The following UBE2D3 variants were observed in gnomAD, a reference collection of about 807,000 sequenced individuals.
UBE2D3 encodes the protein ubiquitin-conjugating enzyme E2 D3.
In UBE2D3, 2 loss-of-function variants were observed where a neutral mutation model predicts 22.8. The observed-to-expected ratio is 0.09, with a 90% confidence interval of 0.04 to 0.28. The LOEUF is 0.28. UBE2D3 is among the 10% of genes least tolerant of loss of function. The pLI is 1.00. For missense variants in UBE2D3, 27 were observed against 182.5 expected (o/e 0.15, Z 4.91); for synonymous variants, 56 against 60.4 (o/e 0.93, Z 0.34).
chr4:102,807,133 T>C (rs577530588), intron 4 of UBE2D3, among the ~76,000 whole-genome samples: 1 of 152,186 alleles, frequency 6.6e-6, no homozygotes, highest in Non-Finnish European at 1.5e-5. Context: ...GGGACCTAAG[T>C]AGTAGTCCAA....
At chr4:102,843,117 C>T (rs1731852118) in intron 1 of UBE2D3, among the ~76,000 whole-genome samples, 1 of 151,994 alleles carries the variant, frequency 6.6e-6, no homozygotes, top group Non-Finnish European at 1.5e-5. Context: ...CTCAAAATTA[C>T]CAGTTTTGAG....
At chr4:102,844,132 A>G (rs769459600) in intron 1 of UBE2D3, 3 of 152,264 alleles carry the variant, frequency 2.0e-5, no homozygotes, top group South Asian at 2.1e-4. Context: ...TTATATTGTC[A>G]TTCTCTATGA....
chr4:102,864,840 A>T (rs530233091), intron 1 of UBE2D3, among the ~76,000 whole-genome samples: 2 of 152,248 alleles, frequency 1.3e-5, no homozygotes, highest in Non-Finnish European at 2.9e-5. Context: ...TTATACAAAT[A>T]CAGCAATGGA....
At chr4:102,861,750 G>A (rs552335607) in intron 1 of UBE2D3, among the ~76,000 whole-genome samples, 1 of 152,100 alleles carries the variant, frequency 6.6e-6, no homozygotes, top group African/African-American at 2.4e-5. Context: ...TTTTAATTAT[G>A]CACATATGCA....
chr4:102,836,949 C>G (rs538993605), intron 1 of UBE2D3: 127 of 152,250 alleles, frequency 8.3e-4, no homozygotes, highest in African/African-American at 2.8e-3. Flanking sequence ...GTAACATATA[C>G]CTGGAGGAAT....
At chr4:102,840,296 T>A (rs1417388154) in intron 1 of UBE2D3, among the ~76,000 whole-genome samples, 2 of 152,342 alleles carry the variant, frequency 1.3e-5, no homozygotes, top group East Asian at 3.9e-4. Flanking sequence ...CTATTCACAG[T>A]GGCAAAGAAC....
intron 2 of UBE2D3, chr4:102,812,630 G>A (rs1400199100): frequency 6.6e-6 from 1 of 152,168 alleles, no homozygotes; most frequent in Non-Finnish European, 1.5e-5. Context: ...CAGTACACAA[G>A]CCTGTAACTG....
intron 2 of UBE2D3, chr4:102,825,764 A>C (rs935489913): frequency 5.6e-5 from 26 of 468,002 alleles, no homozygotes; most frequent in African/African-American, 1.8e-4. Context: ...ATCCACCCCC[A>C]CTCTCCAGCC....
intron 1 of UBE2D3, among the ~76,000 whole-genome samples, chr4:102,848,920 CCTGTGTGTGTGT>C (rs747460217): frequency 1.0e-5 from 1 of 96,484 alleles, no homozygotes; most frequent in African/African-American, 4.4e-5. Flanking sequence ...TTTATGTGTG[CCTGTGTGTGTGT>C]GTGTGTGTGT....
At position 102,850,316 on chromosome 4, in the gene UBE2D3, CTG is replaced by C. The variant is rs1199539256; in HGVS notation, c.-129+18397_-129+18398del. 2.6e-5 allele frequency among the ~76,000 whole-genome samples: 4 copies of C among 150,978 alleles called. No individual in the cohort carries two copies. In the South Asian group the frequency reaches 6.3e-4, roughly 24 times the overall value. On this transcript the variant is annotated intron_variant, in intron 1 of 7. Coordinates refer to the UBE2D3 transcript ENST00000338145. The stretch of plus-strand genomic sequence containing the variant: ...CCTGGGTGCTGGATACAGGGACACT[CTG>C]TGATAAATCACTCATTTTTGCATAT...
intron 1 of UBE2D3, among the ~76,000 whole-genome samples, chr4:102,840,299 C>T (rs1731676751): frequency 6.6e-6 from 1 of 152,106 alleles, no homozygotes; most frequent in Non-Finnish European, 1.5e-5. Flanking sequence ...TTCACAGTGG[C>T]AAAGAACAGA....
chr4:102,848,758 G>A (rs1054845056), intron 1 of UBE2D3, among the ~76,000 whole-genome samples: 2 of 151,940 alleles, frequency 1.3e-5, no homozygotes, highest in Non-Finnish European at 2.9e-5. Flanking sequence ...GGTTGAGGCT[G>A]CAGTGAGCTA....
intron 1 of UBE2D3, among the ~76,000 whole-genome samples, chr4:102,842,245 A>G (rs568370804): frequency 6.6e-6 from 1 of 150,774 alleles, no homozygotes; most frequent in Non-Finnish European, 1.5e-5. Flanking sequence ...TTGATACTAA[A>G]AAAAAAAAAA....
chr4:102,803,793 G>A (rs960358828), intron 4 of UBE2D3, among the ~76,000 whole-genome samples: 4 of 152,186 alleles, frequency 2.6e-5, no homozygotes, highest in Non-Finnish European at 4.4e-5. Context: ...ATTTGAGACG[G>A]AGTCTCACTC....
chr4:102,839,128 A>G (rs1016398657), intron 1 of UBE2D3, among the ~76,000 whole-genome samples: 6 of 152,248 alleles, frequency 3.9e-5, no homozygotes, highest in Non-Finnish European at 7.3e-5. Flanking sequence ...AATGGCTGTT[A>G]CAATTAAATT....
intron 2 of UBE2D3, among the ~76,000 whole-genome samples, chr4:102,813,972 T>C (rs1238963026): frequency 3.3e-5 from 5 of 152,210 alleles, no homozygotes; most frequent in Admixed American, 1.3e-4. Flanking sequence ...TGGAAACTCA[T>C]CACAACTACT....
intron 1 of UBE2D3, among the ~76,000 whole-genome samples, chr4:102,855,804 GTTCA>G (rs146064032): frequency 1.5e-3 from 232 of 152,274 alleles, no homozygotes; most frequent in African/African-American, 4.8e-3. Flanking sequence ...AAATAATTTT[GTTCA>G]TGTGGGACAT....
At chr4:102,868,452 G>A (rs1733281531) in intron 1 of UBE2D3, among the ~76,000 whole-genome samples, 1 of 152,190 alleles carries the variant, frequency 6.6e-6, no homozygotes, top group African/African-American at 2.4e-5. Flanking sequence ...TCTCTGAGTG[G>A]CAAAAACCAG....
chr4:102,797,150 ATTTT>A lies in UBE2D3; in HGVS notation c.*261_*264del, dbSNP rs968687986. 3.3e-6 allele frequency: 1 copy of A among 299,402 alleles called. No individual in the cohort carries two copies. The highest frequency in any genetic ancestry group is 6.2e-6 in the Non-Finnish European group (1 of 160,834). The allele number at this position is 299,402 out of a possible 1,614,324, so 18.5% of individuals were successfully genotyped here. ...ATTGGCCACATAATACACATGCTCCATTTTTTTTTTTAAAAATTCTGAGTCTTGG... is the reference window on the plus strand; with the variant it reads ...ATTGGCCACATAATACACATGCTCCATTTTTTTAAAAATTCTGAGTCTTGG... On this transcript the variant is annotated 3_prime_UTR_variant, in exon 8 of 8. Coordinates refer to ENST00000453744, the MANE Select transcript of UBE2D3 (RefSeq NM_181891.3).
Sources: allele counts gnomAD v4.1 joint callset (sites outside exome capture counted in the v4.1 genomes callset), GRCh38; gene constraint gnomAD v4.1.1; transcripts MANE v1.5; gene names NCBI Gene and HGNC (gene_info 2026-07-23, HGNC 2026-07-21).